Variants in ZNF25 observed in about 807,000 individuals in gnomAD.
ZNF25 encodes the protein zinc finger protein 25 (KOX 19).
In ZNF25, 21 loss-of-function variants were observed where a neutral mutation model predicts 30.9. The observed-to-expected ratio is 0.68, with a 90% confidence interval of 0.48 to 0.98. ZNF25 has a LOEUF of 0.98. Ranked by LOEUF, ZNF25 falls within the 50% of genes least tolerant of loss-of-function variation. The pLI is 0.00. For missense variants in ZNF25, 501 were observed against 529.9 expected (o/e 0.95, Z 0.54); for synonymous variants, 169 against 181.3 (o/e 0.93, Z 0.55).
chr10:37,955,843 C>T (rs2062485774), intron 4 of ZNF25, among the ~76,000 whole-genome samples: 1 of 151,968 alleles, frequency 6.6e-6, no homozygotes, highest in Admixed American at 6.6e-5. Flanking sequence ...ACCACCAAGC[C>T]CGGCTAATTT....
intron 2 of ZNF25, among the ~76,000 whole-genome samples, chr10:37,962,007 C>G (rs1257066701): frequency 1.3e-5 from 2 of 149,946 alleles, no homozygotes; most frequent in African/African-American, 2.5e-5. Flanking sequence ...GAGGCTGAGG[C>G]AGGTGGATCA....
Position 37,952,126 on chromosome 10 carries a change from C to A in ZNF25, c.*1G>T, listed in dbSNP as rs1466154149. The A allele has an allele frequency of 6.5e-7, 1 of 1,549,350 alleles. No homozygotes were observed. The highest frequency in any genetic ancestry group is 8.7e-7 in the Non-Finnish European group (1 of 1,150,664). The stretch of plus-strand genomic sequence containing the variant: ...CAGTCAAGAGAATTTCCCAACTCAT[C>A]TTACTTCTCAGCATTCCTCTTCTTT... On this transcript the variant is annotated 3_prime_UTR_variant, in exon 6 of 6. Transcript: ENST00000302609.
intron 4 of ZNF25, among the ~76,000 whole-genome samples, chr10:37,956,253 T>C (rs1303618609): frequency 6.6e-6 from 1 of 152,212 alleles, no homozygotes; most frequent in Non-Finnish European, 1.5e-5. Context: ...CGATTTTTAA[T>C]CTGAGCTCAG....
intron 2 of ZNF25, among the ~76,000 whole-genome samples, chr10:37,965,188 G>C (rs1189396367): frequency 1.3e-5 from 2 of 152,158 alleles, no homozygotes; most frequent in Non-Finnish European, 2.9e-5. Flanking sequence ...TTGGTGTCCA[G>C]GCAGAAGTCT....
intron 2 of ZNF25, among the ~76,000 whole-genome samples, chr10:37,962,080 C>CA (rs1326968812): frequency 7.3e-5 from 11 of 151,462 alleles, no homozygotes; most frequent in African/African-American, 2.7e-4. Context: ...ACTAAAAATA[C>CA]AAAAAATTAG....
At position 37,950,172 on chromosome 10, in the gene ZNF25, C is replaced by T. The variant is rs2062069836; in HGVS notation, c.*1955G>A. On this transcript the variant is annotated 3_prime_UTR_variant, in exon 6 of 6. Transcript: ENST00000302609. ...ACTTTGTAAAGTGCTAGATCTTAGG[C>T]TCAAGGGCATGTGGTGTCTGCTACA... 1 of 152,584 alleles carries T rather than the reference C, an allele frequency of 6.6e-6. No individual in the cohort carries two copies. The highest frequency in any genetic ancestry group is 2.4e-5 in the African/African-American group (1 of 41,436). 9.5% of individuals were successfully genotyped at this position (152,584 alleles called of 1,614,324 possible). A position where few individuals can be genotyped will look rare whatever the true frequency, so the allele number is the denominator to read the frequency against.
intron 2 of ZNF25, among the ~76,000 whole-genome samples, chr10:37,965,480 G>A (rs777439892): frequency 1.8e-4 from 28 of 152,234 alleles, no homozygotes; most frequent in Non-Finnish European, 4.0e-4. Context: ...AAAAGGCAGT[G>A]TGATGACACA....
At position 37,952,163 on chromosome 10, in the gene ZNF25, C is replaced by T; in HGVS notation, c.1335G>A (p.Gln445=). 1 of 1,593,792 alleles carries T rather than the reference C, an allele frequency of 6.3e-7. No individual in the cohort carries two copies. Among genetic ancestry groups the T allele is most frequent in the Non-Finnish European group, 8.5e-7 (1 of 1,171,116 alleles). ...CATTCCTCTTCTTTGTGTGTGTCTT[C>T]TGATGTGCAGTGAGTTGTGACTTCT... ...FIQKSQLTAH[Q]KTHTKKRNAE... The change falls in exon 6 of 6, where the codon CAG becomes CAA. Residue 445 remains glutamine, a synonymous_variant. Coordinates refer to ENST00000302609, the MANE Select transcript of ZNF25 (RefSeq NM_145011.4).
chr10:37,957,357 C>T, intron 3 of ZNF25, 63 bp downstream of exon 3: 7 of 1,558,920 alleles, frequency 4.5e-6, no homozygotes, highest in Non-Finnish European at 6.1e-6. Flanking sequence ...ACATTTTATA[C>T]TCCAGTAACT....
At chr10:37,953,652 T>C (rs951498243) in intron 5 of ZNF25, 43 bp downstream of exon 5, 1 of 1,589,710 alleles carries the variant, frequency 6.3e-7, no homozygotes, top group Admixed American at 1.7e-5. Flanking sequence ...TTAAGACTCT[T>C]GCTTACAAAT....
At chr10:37,968,183 AAG>A (rs2063292580) in intron 2 of ZNF25, among the ~76,000 whole-genome samples, 1 of 151,962 alleles carries the variant, frequency 6.6e-6, no homozygotes, top group African/African-American at 2.4e-5. Context: ...TCAGCCTCCC[AAG>A]TAGCTGTGAC....
chr10:37,956,742 C>A (rs1289809710), intron 4 of ZNF25, among the ~76,000 whole-genome samples: 1 of 151,876 alleles, frequency 6.6e-6, no homozygotes, highest in Non-Finnish European at 1.5e-5. Context: ...CATGGAGAAA[C>A]CCCATCTCTA....
Position 37,952,064 on chromosome 10 carries a change from CTT to C in ZNF25, c.*61_*62del, listed in dbSNP as rs147942111. ...TTGATGCGATTCATAAGGTGTACCT[CTT>C]GTGTGAATTATCTGATTGTTTTGAA... is the stretch of plus-strand genomic sequence containing the variant. On this transcript the variant is annotated 3_prime_UTR_variant, in exon 6 of 6. Transcript: ENST00000302609. The C allele has an allele frequency of 3.0e-3, 4,476 of 1,472,316 alleles. 111 individuals carry two copies. The African/African-American group carries it at 0.053, about 17-fold the overall frequency. 91.2% of individuals were successfully genotyped at this position (1,472,316 alleles called of 1,614,324 possible). A position where few individuals can be genotyped will look rare whatever the true frequency, so the allele number is the denominator to read the frequency against.
chr10:37,964,689 G>A (rs1362238151), intron 2 of ZNF25, among the ~76,000 whole-genome samples: 4 of 152,156 alleles, frequency 2.6e-5, no homozygotes, highest in African/African-American at 9.7e-5. Context: ...ACTTAAAGTT[G>A]GAACTGATAT....
At chr10:37,953,510 C>T in intron 5 of ZNF25, 185 bp downstream of exon 5, 1 of 634,572 alleles carries the variant, frequency 1.6e-6, no homozygotes, top group South Asian at 2.0e-5. Flanking sequence ...AAGTTTCAAT[C>T]TCCCGATCCT....
chr10:37,953,607 T>C (rs1000350225), intron 5 of ZNF25, 88 bp downstream of exon 5: 2 of 1,222,686 alleles, frequency 1.6e-6, no homozygotes, highest in African/African-American at 1.5e-5. Context: ...TCACGTTTAG[T>C]ATTAACTAGT....
intron 1 of ZNF25, 22 bp downstream of exon 1, chr10:37,976,484 C>T (rs1204482905): frequency 1.3e-5 from 2 of 152,252 alleles, no homozygotes; most frequent in Non-Finnish European, 2.9e-5. Context: ...GCCCTGCCCG[C>T]CCGCAAAAGC....
rs779270596 is a variant in ZNF25 at position 37,957,451 on chromosome 10, C to G, written c.111G>C (p.Met37Ile). 1.1e-5 allele frequency: 18 copies of G among 1,613,636 alleles called. No homozygotes were observed. The highest frequency in any genetic ancestry group is 1.1e-5 in the Non-Finnish European group (13 of 1,179,802). ...AGACAAGGTGACTATAGTTTTCCAG[C>G]ATCACATCCTTATACAGAGTCCTCT... is the stretch of plus-strand genomic sequence containing the variant. The part of the protein sequence containing the change: ...PAQRTLYKDV[M>I]LENYSHLVSV... Residue 37 changes from methionine (M) to isoleucine (I), a missense_variant, in exon 3 of 6, where the codon ATG becomes ATC. Met to Ile is a conservative substitution (Grantham distance 10, BLOSUM62 1). Transcript: ENST00000302609.
intron 2 of ZNF25, among the ~76,000 whole-genome samples, chr10:37,959,491 A>T (rs2062726032): frequency 6.6e-6 from 1 of 152,126 alleles, no homozygotes; most frequent in Non-Finnish European, 1.5e-5. Flanking sequence ...TATTGGTAGA[A>T]CTGTTTAAGG....
Sources: gnomAD v4.1 joint callset for allele counts (sites outside exome capture counted in the v4.1 genomes callset) on GRCh38, gnomAD v4.1.1 for gene constraint, MANE v1.5 for transcripts, NCBI Gene and HGNC (gene_info 2026-07-23, HGNC 2026-07-21) for gene names.